AKT3: variants seen among roughly 807,000 people sequenced by gnomAD.
The protein encoded by AKT3 is AKT serine/threonine kinase 3, also known as RAC-gamma serine/threonine-protein kinase.
A neutral mutation model predicts 65.3 loss-of-function variants in AKT3; 15 were observed. That is an observed-to-expected ratio of 0.23 (90% CI 0.15 to 0.35). The LOEUF (loss-of-function observed/expected upper bound fraction) is 0.35. AKT3 is among the 10% of genes least tolerant of loss of function. The probability of loss-of-function intolerance (pLI) is 1.00; values close to 1 mark genes in which losing one functional copy is unlikely to be tolerated. For missense variants in AKT3, 243 were observed against 576.5 expected, an observed-to-expected ratio of 0.42 and a Z score of 5.92; for synonymous variants, 206 against 183.8, an observed-to-expected ratio of 1.12 and a Z score of -0.98.
At chr1:243,545,287 G>A (rs894301238) in intron 12 of AKT3, among the ~76,000 whole-genome samples, 14 of 152,060 alleles carry the variant, frequency 9.2e-5, no homozygotes, top group African/African-American at 3.4e-4. Flanking sequence ...GAAAAAAATA[G>A]AAAAATTCTG....
chr1:243,574,003 T>C (rs968843488), intron 8 of AKT3, among the ~76,000 whole-genome samples: 4 of 152,192 alleles, frequency 2.6e-5, no homozygotes, highest in African/African-American at 9.6e-5. Context: ...TTTACAGTGC[T>C]GAGTATATTG....
intron 8 of AKT3, among the ~76,000 whole-genome samples, chr1:243,597,833 T>C (rs1352309707): frequency 6.6e-6 from 1 of 152,232 alleles, no homozygotes; most frequent in Non-Finnish European, 1.5e-5. Context: ...GTCTTGCTCA[T>C]GTAGTATACT....
At chr1:243,515,280 T>G (rs61224252) in intron 12 of AKT3, among the ~76,000 whole-genome samples, 13,059 of 152,192 alleles carry the variant, frequency 0.086, 1,877 homozygotes, top group African/African-American at 0.3. Context: ...TGTAGACATA[T>G]GATTTAATTT....
intron 2 of AKT3, among the ~76,000 whole-genome samples, chr1:243,724,164 C>T (rs941166312): frequency 6.6e-6 from 1 of 151,740 alleles, no homozygotes; most frequent in Non-Finnish European, 1.5e-5. Flanking sequence ...AGACTGTCAT[C>T]CCTGCAGTCC....
In AKT3 at chr1:243,493,813, C is replaced by T. The variant is rs75242892; in HGVS notation, c.*7-5363G>A. Among the ~76,000 whole-genome samples the T allele has an allele frequency of 2.7e-3, 410 of 151,608 alleles. 2 individuals carry two copies. Among genetic ancestry groups the T allele is most frequent in the African/African-American group, 9.6e-3 (395 of 41,292 alleles). On this transcript the variant is annotated intron_variant, in intron 13 of 13. Transcript: ENST00000336199. Reference sequence around the variant, plus strand: ...TACCAAAGGACTCATAGAAGAGAGCCGAAAACAAGCAGGGGACACAGAGAC... The same window carrying T: ...TACCAAAGGACTCATAGAAGAGAGCTGAAAACAAGCAGGGGACACAGAGAC...
chr1:243,649,390 G>A (rs914111718), intron 4 of AKT3, among the ~76,000 whole-genome samples: 2 of 145,014 alleles, frequency 1.4e-5, no homozygotes, highest in African/African-American at 2.6e-5. Flanking sequence ...ATATATATAT[G>A]TTATGTGTAT....
rs1685016392 is a variant in AKT3, at chr1:243,695,720, C to A, written c.47-4G>T. 1 of 1,582,482 alleles carries A rather than the reference C, an allele frequency of 6.3e-7. No individual in the cohort carries two copies. Among genetic ancestry groups the A allele is most frequent in the South Asian group, 1.2e-5 (1 of 84,956 alleles). On this transcript the variant is annotated splice_region_variant and splice_polypyrimidine_tract_variant and intron_variant, in intron 2 of 13. Transcript: ENST00000673466. ...CTCCAGTTTTTTATATATTCTCCTA[C>A]ATGAGGAAAGCACGCATGTTAATGC... is the stretch of plus-strand genomic sequence containing the variant.
At chr1:243,559,226 A>G (rs911113679) in intron 10 of AKT3, among the ~76,000 whole-genome samples, 1 of 152,134 alleles carries the variant, frequency 6.6e-6, no homozygotes, top group Admixed American at 6.6e-5. Context: ...CATTCATTTA[A>G]AACTATACAT....
intron 2 of AKT3, among the ~76,000 whole-genome samples, chr1:243,707,900 A>C (rs1429755823): frequency 6.6e-6 from 1 of 152,118 alleles, no homozygotes; most frequent in Non-Finnish European, 1.5e-5. Context: ...TATACAGCAA[A>C]GTAAATTACT....
chr1:243,798,274 A>AT lies in AKT3; in HGVS notation c.46+44850dup, dbSNP rs201038386. Among the ~76,000 whole-genome samples the AT allele has an allele frequency of 3.1e-3, 407 of 132,294 alleles. 8 individuals are homozygous for AT. Among genetic ancestry groups the AT allele is most frequent in the Admixed American group, 0.027 (316 of 11,816 alleles). The allele number at this position is 132,294 out of a possible 152,430, so 86.8% of individuals were successfully genotyped here. A position where few individuals can be genotyped will look rare whatever the true frequency, so the allele number is the denominator to read the frequency against. On this transcript the variant is annotated intron_variant, in intron 2 of 13. Coordinates refer to ENST00000673466, the MANE Select transcript of AKT3 (RefSeq NM_005465.7). ...ACCCAGACTGGAGTGCTGCAGTGGC[A>AT]TGACCACTGCTCACTGCAGCCTGAC...
chr1:243,769,572 T>C (rs917678962), intron 2 of AKT3, among the ~76,000 whole-genome samples: 9 of 152,220 alleles, frequency 5.9e-5, no homozygotes, highest in African/African-American at 1.7e-4. Context: ...TCATGTATTA[T>C]TGGCCATTTG....
intron 2 of AKT3, among the ~76,000 whole-genome samples, chr1:243,796,314 G>A (rs1444540766): frequency 1.3e-5 from 2 of 152,192 alleles, no homozygotes; most frequent in Non-Finnish European, 1.5e-5. Context: ...TTTGAAATCA[G>A]CTATCTCAGG....
At chr1:243,817,225 A>C (rs1693583943) in intron 2 of AKT3, among the ~76,000 whole-genome samples, 1 of 152,198 alleles carries the variant, frequency 6.6e-6, no homozygotes. Flanking sequence ...ACTCTAGGTG[A>C]CATCTCCAAG....
chr1:243,497,439 G>C (rs1668282798), downstream of AKT3, among the ~76,000 whole-genome samples: 2 of 151,850 alleles, frequency 1.3e-5, no homozygotes, highest in South Asian at 4.2e-4. Flanking sequence ...AAAGCCCATA[G>C]AGATGGCCAT....
At chr1:243,662,096 A>C (rs1325236894) in intron 4 of AKT3, among the ~76,000 whole-genome samples, 2 of 151,336 alleles carry the variant, frequency 1.3e-5, no homozygotes, top group Non-Finnish European at 3.0e-5. Context: ...GAACACTTTT[A>C]CACTGTTGGT....
intron 13 of AKT3, chr1:243,488,865 G>T: frequency 9.5e-7 from 1 of 1,057,098 alleles, no homozygotes. Context: ...CAAGGACCTA[G>T]TGCCAGCCAG....
intron 8 of AKT3, among the ~76,000 whole-genome samples, chr1:243,598,200 C>T (rs1281749663): frequency 2.6e-5 from 4 of 151,928 alleles, no homozygotes; most frequent in African/African-American, 4.8e-5. Context: ...TTCAGAAATA[C>T]CTCTCAAAAA....
At chr1:243,709,351 A>C (rs1686005189) in intron 2 of AKT3, among the ~76,000 whole-genome samples, 1 of 151,704 alleles carries the variant, frequency 6.6e-6, no homozygotes, top group South Asian at 2.1e-4. Flanking sequence ...GTAAACAGCA[A>C]ATTTACTTTG....
intron 8 of AKT3, among the ~76,000 whole-genome samples, chr1:243,606,553 C>T (rs1677437690): frequency 6.6e-6 from 1 of 152,128 alleles, no homozygotes; most frequent in Admixed American, 6.5e-5. Flanking sequence ...TTCTAAGTGG[C>T]AAAGCATTGA....
Sources: gnomAD v4.1 joint callset for allele counts (sites outside exome capture counted in the v4.1 genomes callset) on GRCh38, gnomAD v4.1.1 for gene constraint, MANE v1.5 for transcripts, NCBI Gene and HGNC (gene_info 2026-07-23, HGNC 2026-07-21) for gene names.